The following ATP2C1 variants were observed in gnomAD, a reference collection of about 807,000 sequenced individuals.
ATP2C1 encodes the protein ATPase secretory pathway Ca2+ transporting 1, also known as calcium-transporting ATPase type 2C member 1.
Under a neutral mutation model 120.5 loss-of-function variants are expected in ATP2C1, and 31 were observed. The observed-to-expected ratio is 0.26, with a 90% CI of 0.19 to 0.35. The LOEUF (loss-of-function observed/expected upper bound fraction) is 0.35. Among genes scored for constraint, ATP2C1 ranks in the 10% least tolerant of loss-of-function variants. The probability of loss-of-function intolerance (pLI) is 1.00; values close to 1 mark genes in which losing one functional copy is unlikely to be tolerated. For synonymous variants in ATP2C1, 351 were observed against 358.7 expected, an observed-to-expected ratio of 0.98 and a Z score of 0.24; for missense variants, 731 against 1,107.5, an observed-to-expected ratio of 0.66 and a Z score of 4.83.
intron 12 of ATP2C1, among the ~76,000 whole-genome samples, chr3:130,960,932 G>C (rs551497747): frequency 6.6e-6 from 1 of 152,130 alleles, no homozygotes; most frequent in African/African-American, 2.4e-5. Flanking sequence ...AAGAAATCCT[G>C]GTAGACCTCT....
At position 130,906,744 on chromosome 3, in the gene ATP2C1, G is replaced by A. The variant is rs908490736; in HGVS notation, c.6+11969G>A. Reference sequence around the variant, plus strand: ...GTTTCACATTGTAGTTTTGATTTGCGTTTCCCAAATGACTAATGATGTGTC... The same window carrying A: ...GTTTCACATTGTAGTTTTGATTTGCATTTCCCAAATGACTAATGATGTGTC... On this transcript the variant is annotated intron_variant, in intron 2 of 27. Transcript: ENST00000510168. Among the ~76,000 whole-genome samples, 15 of 147,754 alleles carry A rather than the reference G, an allele frequency of 1.0e-4. 1 individual carries two copies. The South Asian group carries it at 1.5e-3, about 15-fold the overall frequency.
At chr3:130,909,127 C>A (rs570483604) in intron 2 of ATP2C1, among the ~76,000 whole-genome samples, 1 of 152,224 alleles carries the variant, frequency 6.6e-6, no homozygotes, top group South Asian at 2.1e-4. Context: ...AGAAGGTAAC[C>A]ATTTCATAGT....
At chr3:130,871,069 C>T (rs2068413394) in intron 1 of ATP2C1, among the ~76,000 whole-genome samples, 1 of 152,334 alleles carries the variant, frequency 6.6e-6, no homozygotes, top group Non-Finnish European at 1.5e-5. Flanking sequence ...CATTAACATT[C>T]TTTAGCAATA....
At chr3:130,993,522 T>A (rs1168126844) in intron 21 of ATP2C1, among the ~76,000 whole-genome samples, 1 of 152,212 alleles carries the variant, frequency 6.6e-6, no homozygotes, top group Non-Finnish European at 1.5e-5. Flanking sequence ...GATAATTCCT[T>A]GTTGTGAAGG....
chr3:130,979,215 T>C (rs2061651875), intron 18 of ATP2C1, 34 bp from the exon 19 acceptor site: 1 of 1,611,052 alleles, frequency 6.2e-7, no homozygotes, highest in African/African-American at 1.3e-5. Context: ...ACTCACTTTT[T>C]TTTGTTGTTG....
At chr3:130,897,154 C>G (rs1001024022) in intron 2 of ATP2C1, among the ~76,000 whole-genome samples, 4 of 152,082 alleles carry the variant, frequency 2.6e-5, no homozygotes, top group Admixed American at 2.6e-4. Context: ...ACAGTAGTAG[C>G]CAAATGCTCA....
intron 11 of ATP2C1, among the ~76,000 whole-genome samples, chr3:130,958,318 A>T (rs1161477083): frequency 6.6e-6 from 1 of 152,124 alleles, no homozygotes; most frequent in Non-Finnish European, 1.5e-5. Flanking sequence ...CATTAGCATG[A>T]AAGCAATCAT....
rs746318847 is a variant in ATP2C1, at chr3:131,016,313, C to T, written c.*124C>T. 14 of 1,614,074 alleles carry T rather than the reference C, an allele frequency of 8.7e-6. No individual in the cohort carries two copies. The African/African-American group carries it at 1.2e-4, about 14-fold the overall frequency. On this transcript the variant is annotated 3_prime_UTR_variant, in exon 27 of 27. Coordinates refer to the ATP2C1 transcript ENST00000328560. ...TGGAACTCTGCATACAACATCTTAG[C>T]ACCATCTTCCTGCAGCTCTTCCTTA...
chr3:130,927,285 G>A (rs990315448), intron 2 of ATP2C1, among the ~76,000 whole-genome samples: 1 of 149,446 alleles, frequency 6.7e-6, no homozygotes, highest in Non-Finnish European at 1.5e-5. Flanking sequence ...CTGTCGCCCA[G>A]GCTGGAGTGC....
At chr3:130,947,806 G>T (rs1002899663) in intron 8 of ATP2C1, among the ~76,000 whole-genome samples, 9 of 150,662 alleles carry the variant, frequency 6.0e-5, no homozygotes, top group Admixed American at 2.0e-4. Flanking sequence ...GATTTTTTTT[G>T]ATGTACCTTT....
chr3:130,983,597 G>T (rs925318355), intron 20 of ATP2C1, among the ~76,000 whole-genome samples: 5 of 152,152 alleles, frequency 3.3e-5, no homozygotes, highest in Non-Finnish European at 5.9e-5. Context: ...ACGGAGTCTC[G>T]CTCCACCATT....
chr3:130,904,569 T>G (rs541648813), intron 2 of ATP2C1, among the ~76,000 whole-genome samples: 3 of 152,186 alleles, frequency 2.0e-5, no homozygotes, highest in Admixed American at 1.3e-4. Context: ...ATGTTCATTT[T>G]AACCTTGTAG....
At position 130,871,686 on chromosome 3, in the gene ATP2C1, T is replaced by C. The variant is rs571628083; in HGVS notation, c.108+20758T>C. 1.6e-4 allele frequency among the ~76,000 whole-genome samples: 24 copies of C among 152,350 alleles called. No homozygotes were observed. In the South Asian group the frequency reaches 5.0e-3, roughly 32 times the overall value. ...TTCACAGGTTCTTAATTGACCATTT[T>C]CATTCACCTTGGCTGATGCCTAGTG... On this transcript the variant is annotated intron_variant, in intron 1 of 26. Coordinates refer to the ATP2C1 transcript ENST00000504381.
intron 8 of ATP2C1, among the ~76,000 whole-genome samples, chr3:130,942,498 C>T (rs550907179): frequency 1.3e-5 from 2 of 152,304 alleles, no homozygotes; most frequent in South Asian, 4.1e-4. Flanking sequence ...TGTTTGTTAA[C>T]ACCTGCAGAG....
intron 20 of ATP2C1, among the ~76,000 whole-genome samples, chr3:130,988,197 G>A (rs965437887): frequency 1.2e-4 from 18 of 151,940 alleles, no homozygotes; most frequent in African/African-American, 4.1e-4. Context: ...GAGGATCTTC[G>A]GTAGGTTATT....
At chr3:130,962,401 G>T (rs1576898504) in intron 12 of ATP2C1, among the ~76,000 whole-genome samples, 3 of 151,944 alleles carry the variant, frequency 2.0e-5, no homozygotes, top group African/African-American at 4.8e-5. Context: ...AGATTAATAA[G>T]CTAGCGCCTG....
At chr3:130,993,584 T>C (rs966969656) in intron 21 of ATP2C1, among the ~76,000 whole-genome samples, 2 of 152,182 alleles carry the variant, frequency 1.3e-5, no homozygotes, top group African/African-American at 4.8e-5. Context: ...CCCTTCCCAC[T>C]AGGTGCCAGT....
intron 2 of ATP2C1, among the ~76,000 whole-genome samples, chr3:130,928,617 A>T (rs576165909): frequency 7.9e-4 from 121 of 152,308 alleles, no homozygotes; most frequent in Admixed American, 2.3e-3. Flanking sequence ...GTCTGTATTG[A>T]CCTTGTTGGA....
At chr3:130,985,238 C>T (rs377645277) in intron 20 of ATP2C1, among the ~76,000 whole-genome samples, 7 of 152,158 alleles carry the variant, frequency 4.6e-5, no homozygotes, top group African/African-American at 9.7e-5. Context: ...CTATAACTTA[C>T]GCTTCCAGTG....
Sources: allele counts gnomAD v4.1 joint callset (sites outside exome capture counted in the v4.1 genomes callset), GRCh38; gene constraint gnomAD v4.1.1; transcripts MANE v1.5; gene names NCBI Gene and HGNC (gene_info 2026-07-23, HGNC 2026-07-21).